Variants in FAT1 observed in about 807,000 individuals in gnomAD.
FAT1 encodes FAT atypical cadherin 1.
In FAT1, 171 loss-of-function variants were observed where a neutral mutation model predicts 329.8. The ratio of observed to expected loss-of-function variants is 0.52; its 90% CI spans 0.46 to 0.59. FAT1 has a LOEUF of 0.59. Ranked by LOEUF, FAT1 falls within the 20% of genes least tolerant of loss-of-function variation. The pLI, the probability that FAT1 is intolerant of heterozygous loss-of-function variation, is 0.00. For synonymous variants in FAT1, 2,233 were observed against 2,228.6 expected (o/e 1.00, Z -0.06); for missense variants, 5,672 against 5,774.4 (o/e 0.98, Z 0.57).
At chr4:186,647,478 G>C (rs1400537336) in intron 3 of FAT1, among the ~76,000 whole-genome samples, 1 of 152,130 alleles carries the variant, frequency 6.6e-6, no homozygotes, top group African/African-American at 2.4e-5. Flanking sequence ...AACTCTAAAT[G>C]TATCAATCAT....
At position 186,606,173 on chromosome 4, in the gene FAT1, C is replaced by T. The variant is rs750465851; in HGVS notation, c.10247G>A (p.Gly3416Asp). The T allele has an allele frequency of 6.2e-7, 1 of 1,612,842 alleles. No homozygotes were observed. Among genetic ancestry groups the T allele is most frequent in the East Asian group, 2.2e-5 (1 of 44,776 alleles). The part of the protein sequence containing the change: ...YTLTVQASDN[G>D]SPPRVNTTTV... The stretch of plus-strand genomic sequence containing the variant: ...CGTCGTGTTGACTCTGGGTGGACTG[C>T]CATTATCAGAAGCTTGAACCGTGAG... Residue 3416 changes from glycine to aspartate, a missense_variant, in exon 17 of 27, where the codon GGC becomes GAC. Gly to Asp is a moderately conservative substitution (Grantham distance 94). This residue lies in a region of FAT1 where 1,706 missense variants were observed against 1,859.1 expected (regional missense o/e 0.92). Coordinates refer to ENST00000441802, the MANE Select transcript of FAT1 (RefSeq NM_005245.4).
rs180779781 is a variant in FAT1, at chr4:186,683,049, C to T, written c.3266-19436G>A. 8.4e-4 allele frequency among the ~76,000 whole-genome samples: 128 copies of T among 152,308 alleles called. 2 individuals carry two copies. Among genetic ancestry groups the T allele is most frequent in the Non-Finnish European group, 1.9e-4 (13 of 68,032 alleles). On this transcript the variant is annotated intron_variant, in intron 2 of 26. Transcript: ENST00000441802. ...AGACCACAGCCTCATGTCCTGGCCACGCACCTACCTTAACTACCTCATCCC... is the reference window on the plus strand; with the variant it reads ...AGACCACAGCCTCATGTCCTGGCCATGCACCTACCTTAACTACCTCATCCC...
At chr4:186,684,694 C>T (rs1359012834) in intron 2 of FAT1, among the ~76,000 whole-genome samples, 3 of 151,854 alleles carry the variant, frequency 2.0e-5, no homozygotes, top group Non-Finnish European at 4.4e-5. Flanking sequence ...CCCAAACTCC[C>T]TTTACCCCAC....
chr4:186,658,864 G>A (rs181411747), intron 3 of FAT1, among the ~76,000 whole-genome samples: 15 of 152,240 alleles, frequency 9.9e-5, no homozygotes, highest in Non-Finnish European at 2.9e-5. Flanking sequence ...GGACCCGTGA[G>A]AGCCTGTGCC....
intron 18 of FAT1, 46 bp from the exon 19 acceptor site, chr4:186,604,023 T>C (rs766689213): frequency 2.4e-5 from 34 of 1,411,496 alleles, no homozygotes; most frequent in Non-Finnish European, 3.2e-5. Flanking sequence ...TGGCACTGTT[T>C]ATAACTTCTT....
chr4:186,698,630 G>A (rs148696480), intron 2 of FAT1, among the ~76,000 whole-genome samples: 46 of 152,376 alleles, frequency 3.0e-4, no homozygotes, highest in African/African-American at 9.9e-4. Flanking sequence ...AGAAAACGGC[G>A]AGGCACAGAG....
At chr4:186,720,191 G>T (rs2126722578) in intron 1 of FAT1, among the ~76,000 whole-genome samples, 1 of 152,312 alleles carries the variant, frequency 6.6e-6, no homozygotes, top group Non-Finnish European at 1.5e-5. Context: ...CCTTCCGAAA[G>T]ATAATGCAAA....
intron 2 of FAT1, among the ~76,000 whole-genome samples, chr4:186,695,755 T>C (rs1193603339): frequency 7.4e-5 from 8 of 107,840 alleles, no homozygotes; most frequent in Admixed American, 2.1e-4. Flanking sequence ...ATGTATTATA[T>C]ATAAAACACA....
In FAT1 at chr4:186,707,574, GTT is replaced by G. The variant is rs1483883547; in HGVS notation, c.2252_2253del (p.Lys751ThrfsTer10). 8 of 1,613,886 alleles carry G rather than the reference GTT, an allele frequency of 5.0e-6. No individual in the cohort carries two copies. In the Admixed American group the frequency reaches 1.2e-4, roughly 24 times the overall value. On this transcript the variant is annotated frameshift_variant, in exon 2 of 27. Transcript: ENST00000441802. LOFTEE classifies it high-confidence loss of function. ...STDLDTGFNG[K>X]LVYAVSGGNE... ...TTTCCTCCAGAAACAGCATAGACCA[GTT>G]TTCCATTGAAGCCAGTGTCAAGGTC...
intron 2 of FAT1, among the ~76,000 whole-genome samples, chr4:186,686,101 T>C (rs1301237736): frequency 6.6e-6 from 1 of 152,176 alleles, no homozygotes; most frequent in Non-Finnish European, 1.5e-5. Context: ...ACAACTACTG[T>C]CTGGTTTAGA....
At chr4:186,628,818 T>C in intron 7 of FAT1, 55 bp from the exon 8 acceptor site, 2 of 1,532,826 alleles carry the variant, frequency 1.3e-6, no homozygotes, top group Non-Finnish European at 1.8e-6. Flanking sequence ...AATGTTTTAA[T>C]ACTTAAAGAA....
chr4:186,602,432 G>T (rs538855173), intron 20 of FAT1, among the ~76,000 whole-genome samples: 1 of 152,242 alleles, frequency 6.6e-6, no homozygotes, highest in East Asian at 1.9e-4. Context: ...AGAACAACTC[G>T]AATCTTTACA....
chr4:186,618,270 C>T lies in FAT1; in HGVS notation c.8316G>A (p.Lys2772=). The change falls in exon 10 of 27, where the codon AAG becomes AAA. Residue 2772 remains lysine (K), a synonymous_variant. Coordinates refer to ENST00000441802, the MANE Select transcript of FAT1 (RefSeq NM_005245.4). ...TGGCCAGTATGGAAAACTGATACCA[C>T]TTAGTTGTCTCATGATCAAGACTCT... The part of the protein sequence containing the change: ...LEKSLDHETT[K]WYQFSILARC... 4 of 1,614,044 alleles carry T rather than the reference C, an allele frequency of 2.5e-6. No homozygotes were observed. Among genetic ancestry groups the T allele is most frequent in the Non-Finnish European group, 3.4e-6 (4 of 1,179,898 alleles).
chr4:186,676,356 T>C (rs1432911925), intron 2 of FAT1, among the ~76,000 whole-genome samples: 2 of 152,028 alleles, frequency 1.3e-5, no homozygotes, highest in Non-Finnish European at 2.9e-5. Context: ...GTTAATTTTA[T>C]CTTCTTCCTG....
chr4:186,652,398 G>A (rs1741709580), intron 3 of FAT1, among the ~76,000 whole-genome samples: 1 of 152,168 alleles, frequency 6.6e-6, no homozygotes, highest in African/African-American at 2.4e-5. Context: ...AAAACCAAAT[G>A]CTGACAGAAT....
At chr4:186,642,658 G>A (rs1273296356) in intron 3 of FAT1, among the ~76,000 whole-genome samples, 1 of 152,174 alleles carries the variant, frequency 6.6e-6, no homozygotes, top group Non-Finnish European at 1.5e-5. Flanking sequence ...GGGTGGCTAC[G>A]TGCTGCGATG....
In FAT1 at chr4:186,606,094, C is replaced by A. The variant is rs1739121099; in HGVS notation, c.10326G>T (p.Arg3442Ser). 1 of 1,613,096 alleles carries A rather than the reference C, an allele frequency of 6.2e-7. No homozygotes were observed. The highest frequency in any genetic ancestry group is 8.5e-7 in the Non-Finnish European group (1 of 1,179,800). Reference protein sequence around the residue: ...DVNDNAPVFSRGNYSVIIQEN... With the variant: ...DVNDNAPVFSSGNYSVIIQEN... ...CCTGGATAATGACACTGTAGTTTCC[C>A]CTGGAGAAGACGGGCGCGTTGTCAT... The change falls in exon 17 of 27, where the codon AGG becomes AGT. Residue 3442 changes from arginine to serine, a missense_variant. Coordinates refer to ENST00000441802, the MANE Select transcript of FAT1 (RefSeq NM_005245.4).
rs2126493065 is a variant in FAT1, at chr4:186,618,269, A to C, written c.8317T>G (p.Trp2773Gly). The part of the protein sequence containing the change: ...EKSLDHETTK[W>G]YQFSILARCT... ...CTGGCCAGTATGGAAAACTGATACC[A>C]CTTAGTTGTCTCATGATCAAGACTC... Residue 2773 changes from tryptophan to glycine, a missense_variant, in exon 10 of 27, where the codon TGG becomes GGG. Physicochemically the swap from Trp to Gly is radical, Grantham distance 184. This residue lies in a region of FAT1 where 3,966 missense variants were observed against 3,915.2 expected (regional missense o/e 1.01). Coordinates refer to ENST00000441802, the MANE Select transcript of FAT1 (RefSeq NM_005245.4). 4 of 1,613,992 alleles carry C rather than the reference A, an allele frequency of 2.5e-6. No homozygotes were observed. Among genetic ancestry groups the C allele is most frequent in the Non-Finnish European group, 3.4e-6 (4 of 1,179,892 alleles).
At chr4:186,610,685 A>ATTTATATAAATTATATAAATATAAAT (rs200683651) in intron 14 of FAT1, among the ~76,000 whole-genome samples, 1 of 75,660 alleles carries the variant, frequency 1.3e-5, no homozygotes, top group Non-Finnish European at 2.7e-5. Flanking sequence ...ATAAATATAA[A>ATTTATATAAATTATATAAATATAAAT]TTATATAATT....
Sources: allele counts gnomAD v4.1 joint callset (sites outside exome capture counted in the v4.1 genomes callset), GRCh38; gene constraint gnomAD v4.1.1; regional missense constraint gnomAD v4.1.1; transcripts MANE v1.5; gene names NCBI Gene and HGNC (gene_info 2026-07-23, HGNC 2026-07-21).